Variants in DENND1A observed in about 807,000 individuals in gnomAD.
DENND1A encodes DENN domain-containing protein 1A.
In DENND1A, 51 loss-of-function variants were observed where a neutral mutation model predicts 113.7. The observed-to-expected ratio is 0.45, with a 90% CI of 0.36 to 0.57. DENND1A has a LOEUF of 0.57. Ranked by LOEUF, DENND1A falls within the 20% of genes least tolerant of loss-of-function variation. DENND1A has a pLI of 0.00. For synonymous variants in DENND1A, 565 were observed against 570.8 expected, an observed-to-expected ratio of 0.99 and a Z score of 0.14; for missense variants, 1,258 against 1,395.9, an observed-to-expected ratio of 0.90 and a Z score of 1.57.
At chr9:123,751,667 C>T (rs2070047232) in intron 5 of DENND1A, 1 of 152,270 alleles carries the variant, frequency 6.6e-6, no homozygotes, top group Admixed American at 6.5e-5. Flanking sequence ...CCCCAGACTT[C>T]GATGGTATCA....
intron 22 of DENND1A, among the ~76,000 whole-genome samples, chr9:123,385,410 G>A (rs971947765): frequency 1.3e-5 from 2 of 152,176 alleles, no homozygotes; most frequent in Admixed American, 1.3e-4. Flanking sequence ...TGATCTGCCC[G>A]CCTCAGCCTC....
chr9:123,597,630 T>A (rs1291422638), intron 11 of DENND1A, among the ~76,000 whole-genome samples: 1 of 152,222 alleles, frequency 6.6e-6, no homozygotes, highest in African/African-American at 2.4e-5. Context: ...GAACAGGGGC[T>A]ATTTAATAAG....
chr9:123,414,230 C>T (rs958500904), intron 19 of DENND1A: 48 of 1,209,244 alleles, frequency 4.0e-5, no homozygotes, highest in Non-Finnish European at 4.8e-5. Flanking sequence ...AACAGCACTG[C>T]CTACCCGAGT....
chr9:123,442,474 T>G (rs1225817897), intron 18 of DENND1A, among the ~76,000 whole-genome samples: 1 of 152,188 alleles, frequency 6.6e-6, no homozygotes, highest in African/African-American at 2.4e-5. Flanking sequence ...AAAAGGGGCA[T>G]TTTGGATCCA....
intron 2 of DENND1A, among the ~76,000 whole-genome samples, chr9:123,795,611 C>A (rs1833649480): frequency 6.6e-6 from 1 of 152,174 alleles, no homozygotes; most frequent in African/African-American, 2.4e-5. Context: ...AGCTGCATTT[C>A]TTTGAGTTTT....
chr9:123,790,435 T>C (rs1013936005), intron 3 of DENND1A, among the ~76,000 whole-genome samples: 5 of 151,986 alleles, frequency 3.3e-5, no homozygotes, highest in South Asian at 4.2e-4. Flanking sequence ...GATAAATAAA[T>C]CTCTGCTAAG....
intron 1 of DENND1A, among the ~76,000 whole-genome samples, chr9:123,893,816 C>A (rs1052604715): frequency 6.6e-6 from 1 of 152,200 alleles, no homozygotes; most frequent in Non-Finnish European, 1.5e-5. Context: ...ATCATAATTT[C>A]CCCACCTAAA....
chr9:123,752,212 G>A (rs1266230364), intron 5 of DENND1A, among the ~76,000 whole-genome samples: 1 of 152,078 alleles, frequency 6.6e-6, no homozygotes, highest in Non-Finnish European at 1.5e-5. Flanking sequence ...GTTTTCAAAT[G>A]GAGATCTGGG....
At chr9:123,668,330 G>A (rs766820326) in intron 7 of DENND1A, among the ~76,000 whole-genome samples, 1 of 152,192 alleles carries the variant, frequency 6.6e-6, no homozygotes, top group East Asian at 1.9e-4. Flanking sequence ...GAAATGAAAG[G>A]CCCTGGGGAC....
At chr9:123,695,590 G>A (rs928461000) in intron 5 of DENND1A, among the ~76,000 whole-genome samples, 2 of 152,124 alleles carry the variant, frequency 1.3e-5, no homozygotes, top group African/African-American at 4.8e-5. Context: ...GAGGTCCTTT[G>A]CTGGGTCCTG....
intron 5 of DENND1A, among the ~76,000 whole-genome samples, chr9:123,685,650 T>C (rs964186105): frequency 2.0e-5 from 3 of 152,134 alleles, no homozygotes; most frequent in Non-Finnish European, 2.9e-5. Context: ...TTGAAGGAGA[T>C]TGCTCAGGAG....
intron 12 of DENND1A, 56 bp downstream of exon 12, chr9:123,583,113 T>G: frequency 7.4e-7 from 1 of 1,346,142 alleles, no homozygotes; most frequent in Non-Finnish European, 1.0e-6. Context: ...CAAAGTCACG[T>G]TCATTTCCTT....
rs775118409 is a variant in DENND1A at position 123,382,263 on chromosome 9, G to A, written c.2382C>T (p.Asp794=). 34 of 1,610,478 alleles carry A rather than the reference G, an allele frequency of 2.1e-5. No individual in the cohort carries two copies. Among genetic ancestry groups the A allele is most frequent in the East Asian group, 8.9e-5 (4 of 44,860 alleles). ...GATCCGTCTGCAGCCGCTCTGAGAC[G>A]TCACCAAGTGCGGCGCCGGCAGCCT... is the stretch of plus-strand genomic sequence containing the variant. ...KLQAAGAALG[D]VSERLQTDRD... is the part of the protein sequence containing the mutation. Residue 794 remains aspartate, a synonymous_variant, in exon 24 of 24, where the codon GAC becomes GAT. Transcript: ENST00000394215.
intron 2 of DENND1A, among the ~76,000 whole-genome samples, chr9:123,863,743 T>C (rs1172813716): frequency 6.6e-6 from 1 of 152,182 alleles, no homozygotes; most frequent in African/African-American, 2.4e-5. Flanking sequence ...ATAGCAAAGC[T>C]AAAGTTACAA....
intron 5 of DENND1A, among the ~76,000 whole-genome samples, chr9:123,697,837 A>G (rs946403478): frequency 1.3e-5 from 2 of 152,208 alleles, no homozygotes. Flanking sequence ...TTACCCTAAC[A>G]CTAATGGTAC....
chr9:123,914,456 A>C (rs1854674104), intron 1 of DENND1A, among the ~76,000 whole-genome samples: 1 of 150,938 alleles, frequency 6.6e-6, no homozygotes, highest in African/African-American at 2.4e-5. Flanking sequence ...GAGGCAGGAG[A>C]ATGGCATGAA....
intron 2 of DENND1A, among the ~76,000 whole-genome samples, chr9:123,870,542 T>C (rs1286718846): frequency 6.6e-6 from 1 of 151,758 alleles, no homozygotes; most frequent in African/African-American, 2.4e-5. Context: ...GTTCAAGCGA[T>C]TCTCCTGCCT....
intron 21 of DENND1A, among the ~76,000 whole-genome samples, chr9:123,393,140 G>C (rs376309417): frequency 2.4e-4 from 36 of 152,204 alleles, no homozygotes; most frequent in Non-Finnish European, 5.3e-4. Context: ...TAGCCCTCCT[G>C]AGAGTCTTAT....
intron 5 of DENND1A, among the ~76,000 whole-genome samples, chr9:123,721,184 C>T (rs1265153530): frequency 6.6e-6 from 1 of 152,220 alleles, no homozygotes. Context: ...CTGATTATGT[C>T]ATCCCTTTAC....
Sources: allele counts gnomAD v4.1 joint callset (sites outside exome capture counted in the v4.1 genomes callset), GRCh38; gene constraint gnomAD v4.1.1; transcripts MANE v1.5; gene names NCBI Gene and HGNC (gene_info 2026-07-23, HGNC 2026-07-21).